The following SEMA5A variants were observed in gnomAD, a reference collection of about 807,000 sequenced individuals.
SEMA5A encodes semaphorin 5A, also known as semaphorin-5A.
Under a neutral mutation model 135.5 loss-of-function variants are expected in SEMA5A, and 55 were observed. The observed-to-expected ratio is 0.41, with a 90% CI of 0.33 to 0.51. The LOEUF (loss-of-function observed/expected upper bound fraction) is 0.51. Ranked by LOEUF, SEMA5A falls within the 20% of genes least tolerant of loss-of-function variation. SEMA5A has a pLI of 0.37. For missense variants in SEMA5A, 1,290 were observed against 1,419.9 expected, an observed-to-expected ratio of 0.91 and a Z score of 1.47; for synonymous variants, 580 against 546.5, an observed-to-expected ratio of 1.06 and a Z score of -0.85.
At chr5:9,221,563 A>T (rs182752419) in intron 8 of SEMA5A, among the ~76,000 whole-genome samples, 6 of 152,046 alleles carry the variant, frequency 3.9e-5, no homozygotes, top group Non-Finnish European at 8.8e-5. Flanking sequence ...CGGCCTCCCA[A>T]AGTGCTGGGA....
At chr5:9,202,667 G>C (rs1189622864) in intron 8 of SEMA5A, among the ~76,000 whole-genome samples, 2 of 152,158 alleles carry the variant, frequency 1.3e-5, no homozygotes, top group Non-Finnish European at 1.5e-5. Context: ...AATCCTATTT[G>C]TGTGCAAGAC....
At chr5:9,510,750 C>A (rs1488102643) in intron 1 of SEMA5A, among the ~76,000 whole-genome samples, 1 of 152,186 alleles carries the variant, frequency 6.6e-6, no homozygotes, top group Admixed American at 6.5e-5. Flanking sequence ...GTATATATCA[C>A]AATTCCCTTC....
At chr5:9,219,741 C>A (rs554830033) in intron 8 of SEMA5A, among the ~76,000 whole-genome samples, 8 of 152,096 alleles carry the variant, frequency 5.3e-5, no homozygotes, top group African/African-American at 1.9e-4. Context: ...GTTTAAGCAC[C>A]CAGGCTGTGA....
Position 9,445,537 on chromosome 5 carries a change from C to T in SEMA5A, c.-174-7685G>A, listed in dbSNP as rs566911782. ...ACAAAAAATTAGCCGGGTGTGGTGG[C>T]GGGTGCCTGTAGTCCCAGCTACTCG... On this transcript the variant is annotated intron_variant, in intron 1 of 22. Transcript: ENST00000382496. 9.5e-4 allele frequency among the ~76,000 whole-genome samples: 145 copies of T among 152,006 alleles called. 1 individual carries two copies. The highest frequency in any genetic ancestry group is 3.4e-3 in the Middle Eastern group (1 of 294).
At chr5:9,421,072 G>T (rs1757450921) in intron 2 of SEMA5A, among the ~76,000 whole-genome samples, 1 of 152,122 alleles carries the variant, frequency 6.6e-6, no homozygotes, top group Non-Finnish European at 1.5e-5. Flanking sequence ...TCATACTTTT[G>T]CAAGCTCACT....
intron 11 of SEMA5A, among the ~76,000 whole-genome samples, chr5:9,162,925 T>C (rs1743374102): frequency 6.6e-6 from 1 of 152,156 alleles, no homozygotes; most frequent in Non-Finnish European, 1.5e-5. Flanking sequence ...TTCTGAATTT[T>C]TGAAGGTATT....
intron 5 of SEMA5A, among the ~76,000 whole-genome samples, chr5:9,238,552 G>C (rs944812297): frequency 5.3e-4 from 80 of 152,144 alleles, no homozygotes; most frequent in African/African-American, 1.9e-3. Context: ...TTTGCTATGT[G>C]TGCTTCCACG....
intron 11 of SEMA5A, among the ~76,000 whole-genome samples, chr5:9,163,911 T>C (rs1393798711): frequency 6.6e-6 from 1 of 150,532 alleles, no homozygotes; most frequent in Non-Finnish European, 1.5e-5. Context: ...GAGAAATAAA[T>C]TTCTGTTGTT....
chr5:9,317,150 A>G (rs1456408355), intron 5 of SEMA5A, among the ~76,000 whole-genome samples: 1 of 152,182 alleles, frequency 6.6e-6, no homozygotes, highest in South Asian at 2.1e-4. Context: ...TTACCACTCA[A>G]TTAGCTCAAT....
intron 1 of SEMA5A, among the ~76,000 whole-genome samples, chr5:9,500,601 G>A (rs1735543210): frequency 6.6e-6 from 1 of 152,200 alleles, no homozygotes; most frequent in Non-Finnish European, 1.5e-5. Context: ...GTTTGCTGAG[G>A]ATAGGGCACT....
At chr5:9,327,110 A>G (rs1752914165) in intron 4 of SEMA5A, among the ~76,000 whole-genome samples, 1 of 152,206 alleles carries the variant, frequency 6.6e-6, no homozygotes, top group South Asian at 2.1e-4. Flanking sequence ...TTTCAAAATT[A>G]CAAAGCCTTT....
intron 16 of SEMA5A, among the ~76,000 whole-genome samples, chr5:9,084,869 G>C (rs1199994445): frequency 6.6e-6 from 1 of 152,216 alleles, no homozygotes; most frequent in Non-Finnish European, 1.5e-5. Context: ...ACTTCCTACA[G>C]ACTTGTTGAA....
intron 1 of SEMA5A, among the ~76,000 whole-genome samples, chr5:9,459,866 T>C (rs944293595): frequency 6.6e-6 from 1 of 152,248 alleles, no homozygotes; most frequent in Admixed American, 6.5e-5. Flanking sequence ...TAAATGTATA[T>C]TTTAAATGCC....
At chr5:9,523,796 C>A (rs1736965769) in intron 1 of SEMA5A, among the ~76,000 whole-genome samples, 1 of 152,222 alleles carries the variant, frequency 6.6e-6, no homozygotes. Flanking sequence ...CAAGGTGCCA[C>A]CTCCAGGTCA....
intron 11 of SEMA5A, among the ~76,000 whole-genome samples, chr5:9,169,655 A>G (rs1422401024): frequency 6.6e-6 from 1 of 151,352 alleles, no homozygotes; most frequent in Non-Finnish European, 1.5e-5. Flanking sequence ...ACGCTCTCCC[A>G]CTCTCCTCTC....
intron 2 of SEMA5A, among the ~76,000 whole-genome samples, chr5:9,429,063 C>A (rs538236791): frequency 6.6e-6 from 1 of 152,232 alleles, no homozygotes; most frequent in Non-Finnish European, 1.5e-5. Flanking sequence ...TGTGGGGACA[C>A]AGAGGGGGTG....
At position 9,042,833 on chromosome 5, in the gene SEMA5A, G is replaced by GCAGT. The variant is rs1195149948; in HGVS notation, c.*60_*63dup. 6.3e-7 allele frequency: 1 copy of GCAGT among 1,588,086 alleles called. No homozygotes were observed. The highest frequency in any genetic ancestry group is 1.4e-5 in the African/African-American group (1 of 74,036). On this transcript the variant is annotated 3_prime_UTR_variant, in exon 23 of 23. Transcript: ENST00000382496. ...CGACTCTGAAGCCTCAGAAACATGG[G>GCAGT]CAGTCATGGGGCACAGGCCTTGAGG...
chr5:9,129,043 C>G (rs999364501), intron 13 of SEMA5A, among the ~76,000 whole-genome samples: 10 of 152,168 alleles, frequency 6.6e-5, no homozygotes, highest in Non-Finnish European at 1.2e-4. Context: ...TTCTTTTGGC[C>G]TAGCATGAAT....
At chr5:9,151,922 G>C (rs1412318250) in intron 12 of SEMA5A, among the ~76,000 whole-genome samples, 2 of 152,168 alleles carry the variant, frequency 1.3e-5, no homozygotes, top group Non-Finnish European at 2.9e-5. Flanking sequence ...AGGAAAGAGG[G>C]AACAGTGAAC....
Sources: gnomAD v4.1 joint callset for allele counts (sites outside exome capture counted in the v4.1 genomes callset) on GRCh38, gnomAD v4.1.1 for gene constraint, MANE v1.5 for transcripts, NCBI Gene and HGNC (gene_info 2026-07-23, HGNC 2026-07-21) for gene names.